Variants in GPC6 observed in about 807,000 individuals in gnomAD.
GPC6 encodes glypican-6.
A neutral mutation model predicts 55.2 loss-of-function variants in GPC6; 14 were observed. The ratio of observed to expected loss-of-function variants is 0.25; its 90% CI spans 0.17 to 0.40. The LOEUF (loss-of-function observed/expected upper bound fraction) is 0.40, where lower values mean the gene tolerates loss of function less well. Ranked by LOEUF, GPC6 falls within the 10% of genes least tolerant of loss-of-function variation. The probability of loss-of-function intolerance (pLI) is 1.00; values close to 1 mark genes in which losing one functional copy is unlikely to be tolerated. For synonymous variants in GPC6, 278 were observed against 259.6 expected, an observed-to-expected ratio of 1.07 and a Z score of -0.68; for missense variants, 641 against 708.5, an observed-to-expected ratio of 0.90 and a Z score of 1.08.
chr13:94,329,033 G>C (rs930368312), intron 6 of GPC6, among the ~76,000 whole-genome samples: 2 of 152,168 alleles, frequency 1.3e-5, no homozygotes, highest in Non-Finnish European at 2.9e-5. Flanking sequence ...GAACCCCGGG[G>C]GGGGCTGAAA....
In GPC6 at chr13:94,382,539, C is replaced by G; in HGVS notation, c.1278C>G (p.His426Gln). The change falls in exon 7 of 9, where the codon CAC becomes CAG. Residue 426 changes from histidine (H) to glutamine (Q), a missense_variant. Physicochemically the swap from His to Gln is conservative, Grantham distance 24 (BLOSUM62 0). Coordinates refer to ENST00000377047, the MANE Select transcript of GPC6 (RefSeq NM_005708.5). ...TSNEEECWNG[H>Q]SKARYLPEIM... ...ACGAGGAGGAATGCTGGAACGGGCA[C>G]AGCAAAGCCAGGTGAGGGTGACTCG... 6.2e-7 allele frequency: 1 copy of G among 1,614,084 alleles called. No individual in the cohort carries two copies. The highest frequency in any genetic ancestry group is 8.5e-7 in the Non-Finnish European group (1 of 1,180,008).
chr13:94,178,852 T>A (rs1888883712), intron 4 of GPC6, among the ~76,000 whole-genome samples: 1 of 152,180 alleles, frequency 6.6e-6, no homozygotes, highest in Admixed American at 6.6e-5. Context: ...AGATGATGAA[T>A]CTAAACGGTT....
At chr13:93,727,301 T>C (rs1883677832) in intron 2 of GPC6, among the ~76,000 whole-genome samples, 1 of 152,208 alleles carries the variant, frequency 6.6e-6, no homozygotes, top group Non-Finnish European at 1.5e-5. Flanking sequence ...GAGCTTAAAC[T>C]GACCACTGGC....
intron 4 of GPC6, among the ~76,000 whole-genome samples, chr13:94,183,392 C>T (rs1361396170): frequency 6.6e-6 from 1 of 152,158 alleles, no homozygotes; most frequent in Non-Finnish European, 1.5e-5. Context: ...GAACTTCATT[C>T]CTTTTTAGAG....
chr13:93,536,357 C>T (rs1004808325), intron 1 of GPC6, among the ~76,000 whole-genome samples: 1 of 152,096 alleles, frequency 6.6e-6, no homozygotes, highest in Non-Finnish European at 1.5e-5. Flanking sequence ...TCTTCCCAGC[C>T]TGAAATTCTA....
chr13:93,834,194 A>G (rs1261514941), intron 3 of GPC6, among the ~76,000 whole-genome samples: 1 of 152,158 alleles, frequency 6.6e-6, no homozygotes, highest in Non-Finnish European at 1.5e-5. Flanking sequence ...TGTTTGTAGC[A>G]GGATCTTTTA....
At chr13:94,220,507 C>A (rs137946398) in intron 4 of GPC6, among the ~76,000 whole-genome samples, 115 of 152,142 alleles carry the variant, frequency 7.6e-4, no homozygotes, top group African/African-American at 2.3e-3. Flanking sequence ...CAGAGCCGAT[C>A]TATTTTTTTT....
chr13:93,354,381 C>T (rs987593795), intron 1 of GPC6, among the ~76,000 whole-genome samples: 4 of 119,280 alleles, frequency 3.4e-5, no homozygotes, highest in Admixed American at 1.1e-4. Flanking sequence ...GACAGAGTCT[C>T]GCTGTATTGC....
intron 4 of GPC6, among the ~76,000 whole-genome samples, chr13:94,095,248 AAG>A (rs1354276892): frequency 6.6e-6 from 1 of 152,166 alleles, no homozygotes; most frequent in Non-Finnish European, 1.5e-5. Context: ...CTATATAAAA[AAG>A]AGTAGTAGGA....
intron 1 of GPC6, among the ~76,000 whole-genome samples, chr13:93,510,292 C>T (rs371008096): frequency 6.6e-6 from 1 of 152,160 alleles, no homozygotes; most frequent in Middle Eastern, 3.4e-3. Context: ...TATCCTTCGA[C>T]CCACTTCTCT....
intron 7 of GPC6, among the ~76,000 whole-genome samples, chr13:94,393,772 C>T (rs185545833): frequency 6.6e-6 from 1 of 152,134 alleles, no homozygotes; most frequent in African/African-American, 2.4e-5. Context: ...TTTTAAATTT[C>T]ATTAAATCTT....
chr13:93,863,451 T>C (rs894596235), intron 3 of GPC6, among the ~76,000 whole-genome samples: 1 of 151,736 alleles, frequency 6.6e-6, no homozygotes, highest in African/African-American at 2.4e-5. Context: ...ATTTGTTAAA[T>C]CCAAAGAAAA....
chr13:93,966,959 T>C (rs184533543), intron 3 of GPC6, among the ~76,000 whole-genome samples: 1 of 152,232 alleles, frequency 6.6e-6, no homozygotes, highest in Non-Finnish European at 1.5e-5. Context: ...CCGACATGTT[T>C]CATTATTTTT....
At chr13:94,195,872 A>G (rs903576653) in intron 4 of GPC6, among the ~76,000 whole-genome samples, 1 of 152,220 alleles carries the variant, frequency 6.6e-6, no homozygotes, top group Non-Finnish European at 1.5e-5. Context: ...GCTTTGGAAG[A>G]CCAAGGGGAA....
chr13:94,189,528 G>A (rs1053198717), intron 4 of GPC6, among the ~76,000 whole-genome samples: 1 of 152,074 alleles, frequency 6.6e-6, no homozygotes, highest in Non-Finnish European at 1.5e-5. Flanking sequence ...GTGGATGTTG[G>A]GTATAAGTAA....
At chr13:93,770,363 G>T (rs574033445) in intron 2 of GPC6, among the ~76,000 whole-genome samples, 2 of 152,160 alleles carry the variant, frequency 1.3e-5, no homozygotes, top group South Asian at 4.1e-4. Flanking sequence ...TTCTCTTTAG[G>T]TCCAAAGGTA....
intron 4 of GPC6, among the ~76,000 whole-genome samples, chr13:94,225,670 CAT>C (rs3043530): frequency 0.096 from 14,174 of 147,300 alleles, 772 homozygotes; most frequent in East Asian, 0.19. Context: ...AAAGTATACA[CAT>C]ATATATATAT....
chr13:93,651,055 A>G (rs1302627709), intron 2 of GPC6, among the ~76,000 whole-genome samples: 1 of 152,196 alleles, frequency 6.6e-6, no homozygotes, highest in Non-Finnish European at 1.5e-5. Context: ...GTACATCTAA[A>G]TATGCAAGTG....
intron 2 of GPC6, among the ~76,000 whole-genome samples, chr13:93,619,175 A>T (rs778333106): frequency 3.3e-5 from 5 of 152,146 alleles, no homozygotes; most frequent in Non-Finnish European, 7.4e-5. Context: ...TGTTTTGAAT[A>T]GTTGTTTGGG....
Sources: allele counts gnomAD v4.1 joint callset (sites outside exome capture counted in the v4.1 genomes callset), GRCh38; gene constraint gnomAD v4.1.1; transcripts MANE v1.5; gene names NCBI Gene and HGNC (gene_info 2026-07-23, HGNC 2026-07-21).